HARBI1: variants seen among roughly 807,000 people sequenced by gnomAD.
The protein encoded by HARBI1 is putative nuclease HARBI1.
In HARBI1, 15 loss-of-function variants were observed where a neutral mutation model predicts 25.3. The ratio of observed to expected loss-of-function variants is 0.59; its 90% CI spans 0.40 to 0.91. The LOEUF is 0.91. Among genes scored for constraint, HARBI1 ranks in the 40% least tolerant of loss-of-function variants. The pLI is 0.00. For synonymous variants in HARBI1, 168 were observed against 160.5 expected (o/e 1.05, Z -0.35); for missense variants, 396 against 445.8 (o/e 0.89, Z 1.01).
At position 46,615,746 on chromosome 11, in the gene HARBI1, G is replaced by T. The variant is rs571242324; in HGVS notation, c.492C>A (p.Ser164=). The T allele has an allele frequency of 6.2e-7, 1 of 1,614,174 alleles. No individual in the cohort carries two copies. Among genetic ancestry groups the T allele is most frequent in the East Asian group, 2.2e-5 (1 of 44,880 alleles). ...AATGCAGGCCTTTTCGGTTCACATA[G>T]GAGAGGTCTTCAGCATTTGGTGCCT... The part of the protein sequence containing the change: ...AIKAPNAEDL[S]YVNRKGLHSL... The change falls in exon 2 of 3, where the codon TCC becomes TCA. Residue 164 remains serine, a synonymous_variant. Coordinates refer to ENST00000326737, the MANE Select transcript of HARBI1 (RefSeq NM_173811.4).
At chr11:46,606,842 T>C (rs1020886151) in intron 2 of HARBI1, among the ~76,000 whole-genome samples, 1 of 152,118 alleles carries the variant, frequency 6.6e-6, no homozygotes, top group African/African-American at 2.4e-5. Context: ...AGGGTCTTGT[T>C]ATGTTGCTAG....
chr11:46,613,810 T>C (rs1398022658), intron 2 of HARBI1, among the ~76,000 whole-genome samples: 1 of 151,870 alleles, frequency 6.6e-6, no homozygotes, highest in Non-Finnish European at 1.5e-5. Context: ...CAGGGGATTG[T>C]TTCATTTATT....
At chr11:46,612,080 A>G (rs2045203776) in intron 2 of HARBI1, among the ~76,000 whole-genome samples, 1 of 152,170 alleles carries the variant, frequency 6.6e-6, no homozygotes, top group Non-Finnish European at 1.5e-5. Flanking sequence ...AAGTGCTAGT[A>G]AACATGTTAA....
intron 2 of HARBI1, among the ~76,000 whole-genome samples, chr11:46,608,260 T>G (rs1407464655): frequency 6.6e-6 from 1 of 152,130 alleles, no homozygotes; most frequent in Non-Finnish European, 1.5e-5. Context: ...ATCGCCCCAT[T>G]GCACCACAGC....
Position 46,615,893 on chromosome 11 carries a change from G to T in HARBI1, c.345C>A (p.Ala115=), listed in dbSNP as rs1470853127. ...CAGCTGGAAAGCGAATGAACTGTGA[G>T]GCCCTTTCCACAAGTGCTTCAGTGA... ...ANVTEALVER[A]SQFIRFPADE... The change falls in exon 2 of 3, where the codon GCC becomes GCA. Residue 115 remains alanine, a synonymous_variant. Coordinates refer to ENST00000326737, the MANE Select transcript of HARBI1 (RefSeq NM_173811.4). 1.9e-6 allele frequency: 3 copies of T among 1,614,058 alleles called. No individual in the cohort carries two copies. Among genetic ancestry groups the T allele is most frequent in the Non-Finnish European group, 2.5e-6 (3 of 1,180,040 alleles).
rs940710387 is a variant in HARBI1, at chr11:46,616,929, A to G, written c.-145+195T>C. On this transcript the variant is annotated intron_variant, in intron 1 of 2. Transcript: ENST00000326737. ...TGCTGTAACAAAAGGCTTTTCCCTCACTCCAAGAACTCCAAATCGTGAACC... is the reference window on the plus strand; with the variant it reads ...TGCTGTAACAAAAGGCTTTTCCCTCGCTCCAAGAACTCCAAATCGTGAACC... 2.6e-5 allele frequency: 25 copies of G among 976,698 alleles called. No individual in the cohort carries two copies. The Middle Eastern group carries it at 2.1e-3, about 81-fold the overall frequency. The allele number at this position is 976,698 out of a possible 1,614,324, so 60.5% of individuals were successfully genotyped here.
At chr11:46,605,096 G>A (rs2044885124) in intron 2 of HARBI1, among the ~76,000 whole-genome samples, 1 of 152,184 alleles carries the variant, frequency 6.6e-6, no homozygotes. Flanking sequence ...AGGCCCTGGA[G>A]TACCAGTTTG....
Position 46,617,143 on chromosome 11 carries a change from T to A in HARBI1, c.-164A>T. 2.9e-6 allele frequency: 1 copy of A among 341,704 alleles called. No individual in the cohort carries two copies. Among genetic ancestry groups the A allele is most frequent in the Non-Finnish European group, 4.1e-6 (1 of 241,478 alleles). The allele number at this position is 341,704 out of a possible 1,614,324, so 21.2% of individuals were successfully genotyped here. A position where few individuals can be genotyped will look rare whatever the true frequency, so the allele number is the denominator to read the frequency against. Reference sequence around the variant, plus strand: ...ACCCACCTCTCCGCGGCTGCCAGGTTACCAGCCACACTTCCCACCCACCCA... The same window carrying A: ...ACCCACCTCTCCGCGGCTGCCAGGTAACCAGCCACACTTCCCACCCACCCA... On this transcript the variant is annotated 5_prime_UTR_variant, in exon 1 of 3. Transcript: ENST00000326737.
At chr11:46,617,860 C>A (rs2045780309), upstream of HARBI1, 3 of 399,042 alleles carry the variant, frequency 7.5e-6, no homozygotes, top group African/African-American at 2.1e-5. Context: ...AATGAGAGCC[C>A]GGAACCACTC....
Position 46,616,164 on chromosome 11 carries a change from AAAC to A in HARBI1, c.71_73del (p.Arg24_Phe25delinsLeu). The A allele has an allele frequency of 6.2e-7, 1 of 1,614,018 alleles. No individual in the cohort carries two copies. Among genetic ancestry groups the A allele is most frequent in the Non-Finnish European group, 8.5e-7 (1 of 1,180,044 alleles). ...TTCATCAGTCACATCATCCAGCTTA[AAAC>A]GGTCCAATGTCCGGTGACCACGGCC... On this transcript the variant is annotated inframe_deletion, in exon 2 of 3. Coordinates refer to ENST00000326737, the MANE Select transcript of HARBI1 (RefSeq NM_173811.4).
Position 46,613,630 on chromosome 11 carries a change from G to A in HARBI1, c.670+1938C>T, listed in dbSNP as rs535121227. Among the ~76,000 whole-genome samples, 6 of 151,816 alleles carry A rather than the reference G, an allele frequency of 4.0e-5. No individual in the cohort carries two copies. In the South Asian group the frequency reaches 8.3e-4, roughly 21 times the overall value. ...CCCAAGTAGCTGGGATTATAGGCGC[G>A]CACCACCATGCCCTGATAATTTTTG... On this transcript the variant is annotated intron_variant, in intron 2 of 2. Transcript: ENST00000326737.
chr11:46,616,280 T>G lies in HARBI1; in HGVS notation c.-43A>C. 6.4e-7 allele frequency: 1 copy of G among 1,558,078 alleles called. No individual in the cohort carries two copies. The highest frequency in any genetic ancestry group is 8.6e-7 in the Non-Finnish European group (1 of 1,158,102). On this transcript the variant is annotated 5_prime_UTR_variant, in exon 2 of 3. Transcript: ENST00000326737. ...GCTCTCCTCTTTGCTTTTTCTGAAC[T>G]GTTCCCAATGAAGATGTTGGTGCAA...
At chr11:46,616,620 C>T (rs927396296) in intron 1 of HARBI1, 1 of 1,014,206 alleles carries the variant, frequency 9.9e-7, no homozygotes, top group African/African-American at 1.7e-5. Context: ...TTGAGAACAC[C>T]AAAAGAATAA....
At position 46,603,490 on chromosome 11, in the gene HARBI1, C is replaced by T; in HGVS notation, c.*40G>A. 2 of 1,529,196 alleles carry T rather than the reference C, an allele frequency of 1.3e-6. No individual in the cohort carries two copies. Among genetic ancestry groups the T allele is most frequent in the African/African-American group, 1.4e-5 (1 of 72,616 alleles). 94.7% of individuals were successfully genotyped at this position (1,529,196 alleles called of 1,614,324 possible). ...AAAGGTGATGAGGAGGAAAGTCTGT[C>T]ACAACTCCTGGGAAGTATCCCTCCT... On this transcript the variant is annotated 3_prime_UTR_variant, in exon 3 of 3. Coordinates refer to ENST00000326737, the MANE Select transcript of HARBI1 (RefSeq NM_173811.4).
chr11:46,615,578 G>A lies in HARBI1; in HGVS notation c.660C>T (p.Ser220=). 6.2e-7 allele frequency: 1 copy of A among 1,611,654 alleles called. No individual in the cohort carries two copies. Among genetic ancestry groups the A allele is most frequent in the Non-Finnish European group, 8.5e-7 (1 of 1,178,210 alleles). ...CACTTGCAAACTTACCCAGAAGCCA[G>A]CTATCTTTGTGCATACCCGCTTCAA... The part of the protein sequence containing the change: ...SQFEAGMHKD[S]WLLGDSSFFL... Residue 220 remains serine, a synonymous_variant, in exon 2 of 3, where the codon AGC becomes AGT. Transcript: ENST00000326737.
intron 2 of HARBI1, chr11:46,604,267 G>C: frequency 5.1e-6 from 5 of 974,222 alleles, no homozygotes; most frequent in Non-Finnish European, 6.1e-6. Flanking sequence ...ACAGCACTTT[G>C]GGAGGCTGAG....
At chr11:46,610,637 C>T (rs866485382) in intron 2 of HARBI1, among the ~76,000 whole-genome samples, 14 of 151,992 alleles carry the variant, frequency 9.2e-5, no homozygotes, top group Non-Finnish European at 1.5e-4. Flanking sequence ...TCCAGCTGGG[C>T]GACAGAGCGA....
At chr11:46,608,984 C>T (rs1156584507) in intron 2 of HARBI1, among the ~76,000 whole-genome samples, 8 of 149,776 alleles carry the variant, frequency 5.3e-5, no homozygotes, top group South Asian at 2.1e-4. Flanking sequence ...AGTGCAATGG[C>T]GTGATCTCAG....
chr11:46,616,471 C>A, intron 1 of HARBI1, 90 bp from the exon 2 acceptor site: 3 of 1,349,140 alleles, frequency 2.2e-6, no homozygotes, highest in Non-Finnish European at 2.8e-6. Flanking sequence ...TACAAATTTC[C>A]ATTTTGTTGA....
Sources: allele counts gnomAD v4.1 joint callset (sites outside exome capture counted in the v4.1 genomes callset), GRCh38; gene constraint gnomAD v4.1.1; transcripts MANE v1.5; gene names NCBI Gene and HGNC (gene_info 2026-07-23, HGNC 2026-07-21).